The following SETD2 variants were observed in gnomAD, a reference collection of about 807,000 sequenced individuals.
SETD2 encodes the protein SET domain containing 2, histone lysine methyltransferase.
In SETD2, 31 loss-of-function variants were observed where a neutral mutation model predicts 242.1. The observed-to-expected ratio is 0.13, with a 90% CI of 0.10 to 0.17. The LOEUF is 0.17. Among genes scored for constraint, SETD2 ranks in the 10% least tolerant of loss-of-function variants. The probability of loss-of-function intolerance (pLI) is 1.00; values close to 1 mark genes in which losing one functional copy is unlikely to be tolerated. For synonymous variants in SETD2, 1,006 were observed against 1,066.5 expected, an observed-to-expected ratio of 0.94 and a Z score of 1.11; for missense variants, 2,481 against 3,046.3, an observed-to-expected ratio of 0.81 and a Z score of 4.37.
At chr3:47,044,924 A>G (rs1392230825) in intron 16 of SETD2, among the ~76,000 whole-genome samples, 1 of 152,224 alleles carries the variant, frequency 6.6e-6, no homozygotes, top group Non-Finnish European at 1.5e-5. Context: ...GCTTATTGGA[A>G]TATTTCAAGC....
At position 47,062,363 on chromosome 3, in the gene SETD2, G is replaced by GT; in HGVS notation, c.6110-18dup. The GT allele has an allele frequency of 6.7e-7, 1 of 1,481,858 alleles. No individual in the cohort carries two copies. 91.8% of individuals were successfully genotyped at this position (1,481,858 alleles called of 1,614,324 possible). ...GTTCAGTTGCTAAGGGAAAAGGGTG[G>GT]TTTGTTTGTTTTTTTTTTTTTTAAG... On this transcript the variant is annotated splice_polypyrimidine_tract_variant and intron_variant, in intron 13 of 20. Coordinates refer to ENST00000409792, the MANE Select transcript of SETD2 (RefSeq NM_014159.7).
At chr3:47,088,288 CAACAA>C in intron 9 of SETD2, 41 bp from the exon 10 acceptor site, 1 of 1,539,614 alleles carries the variant, frequency 6.5e-7, no homozygotes. Flanking sequence ...AAAACAACAA[CAACAA>C]AAAAAAAAAC....
chr3:47,054,928 C>G (rs191121671), intron 15 of SETD2, among the ~76,000 whole-genome samples: 2 of 152,138 alleles, frequency 1.3e-5, no homozygotes, highest in Admixed American at 1.3e-4. Context: ...AAAGTGGTTA[C>G]AAATCATTTT....
chr3:47,106,732 A>G, intron 5 of SETD2, among the ~76,000 whole-genome samples: 1 of 151,290 alleles, frequency 6.6e-6, no homozygotes, highest in Non-Finnish European at 1.5e-5. Flanking sequence ...GAATTGCTTG[A>G]ACCTGGGAGG....
intron 13 of SETD2, among the ~76,000 whole-genome samples, chr3:47,063,846 G>A (rs1166135588): frequency 1.3e-5 from 2 of 152,090 alleles, no homozygotes; most frequent in East Asian, 1.9e-4. Context: ...AGCTGGGCAC[G>A]GTGGCAGGTG....
rs754994330 is a variant in SETD2, at chr3:47,098,129, T to C, written c.5016-48A>G. 5.0e-6 allele frequency: 8 copies of C among 1,603,340 alleles called. No homozygotes were observed. The Admixed American group carries it at 8.5e-5, about 17-fold the overall frequency. ...AAGTCAGCTATGTGGAAGTAAACCA[T>C]ACAAAACTGTTGGCAATACACACAA... is the stretch of plus-strand genomic sequence containing the variant. On this transcript the variant is annotated intron_variant, in intron 8 of 20. Coordinates refer to ENST00000409792, the MANE Select transcript of SETD2 (RefSeq NM_014159.7).
chr3:47,127,323 A>G (rs1286476480), intron 1 of SETD2, among the ~76,000 whole-genome samples: 1 of 149,878 alleles, frequency 6.7e-6, no homozygotes, highest in African/African-American at 2.5e-5. Flanking sequence ...ACACCACTGC[A>G]CTCCAGCTGT....
chr3:47,161,102 C>T (rs1697477382), intron 1 of SETD2, among the ~76,000 whole-genome samples: 1 of 152,190 alleles, frequency 6.6e-6, no homozygotes, highest in African/African-American at 2.4e-5. Context: ...AAAAAGGGCA[C>T]TTGGTCATTT....
chr3:47,091,519 T>C (rs79809707), intron 9 of SETD2, among the ~76,000 whole-genome samples: 12 of 151,986 alleles, frequency 7.9e-5, no homozygotes, highest in Admixed American at 1.3e-4. Flanking sequence ...TCCCAGCACT[T>C]TGGGAGGCCA....
In SETD2 at chr3:47,017,298, CAG is replaced by C. The variant is rs1559634052; in HGVS notation, c.7534-46_7534-45del. 6.2e-7 allele frequency: 1 copy of C among 1,606,586 alleles called. No individual in the cohort carries two copies. On this transcript the variant is annotated intron_variant, in intron 20 of 20. Coordinates refer to ENST00000409792, the MANE Select transcript of SETD2 (RefSeq NM_014159.7). The surrounding 1 kb of genome is among the most constrained non-coding windows in gnomAD (Gnocchi z 4.8). ...GAGAGACCACAGCCACCAATCAGAG[CAG>C]AAATTATATGAGGGGGAGGACAGGG...
At chr3:47,115,380 G>C (rs1365166320) in intron 4 of SETD2, among the ~76,000 whole-genome samples, 2 of 152,002 alleles carry the variant, frequency 1.3e-5, no homozygotes, top group African/African-American at 4.8e-5. Flanking sequence ...AGAATGACTA[G>C]GGCAACAATA....
In SETD2 at chr3:47,123,388, A is replaced by G. The variant is rs1026910604; in HGVS notation, c.1248T>C (p.Asn416=). 6.4e-7 allele frequency: 1 copy of G among 1,551,682 alleles called. No individual in the cohort carries two copies. The highest frequency in any genetic ancestry group is 1.4e-5 in the African/African-American group (1 of 73,156). Residue 416 remains asparagine, a synonymous_variant, in exon 3 of 21, where the codon AAT becomes AAC. Transcript: ENST00000409792. ...HSRSERGSRT[N]LSYSRSERSH... is the part of the protein sequence containing the mutation. ...ATCGTTCTGACCTGGAATAGGATAAATTAGTTCTAGAGCCTCTCTCAGACC... is the reference window on the plus strand; with the variant it reads ...ATCGTTCTGACCTGGAATAGGATAAGTTAGTTCTAGAGCCTCTCTCAGACC...
chr3:47,133,017 T>C (rs997940191), intron 1 of SETD2, among the ~76,000 whole-genome samples: 1 of 152,216 alleles, frequency 6.6e-6, no homozygotes, highest in Non-Finnish European at 1.5e-5. Context: ...CATTGTAATG[T>C]TGTTTTTAGG....
chr3:47,056,094 T>TTTTTA (rs1421586594), intron 15 of SETD2, among the ~76,000 whole-genome samples: 6,132 of 116,284 alleles, frequency 0.053, 209 homozygotes, highest in Middle Eastern at 0.078. Context: ...AAAACATGAT[T>TTTTTA]TTTATTTATT....
In SETD2 at chr3:47,124,187, T is replaced by C. The variant is rs1293708012; in HGVS notation, c.449A>G (p.His150Arg). 1 of 1,551,882 alleles carries C rather than the reference T, an allele frequency of 6.4e-7. No homozygotes were observed. The highest frequency in any genetic ancestry group is 1.2e-5 in the South Asian group (1 of 84,058). The change falls in exon 3 of 21, where the codon CAT becomes CGT. Residue 150 changes from histidine (H) to arginine (R), a missense_variant. This residue lies in a region of SETD2 where 334 missense variants were observed against 374.5 expected (regional missense o/e 0.89). Transcript: ENST00000409792. ...GKIHFKKHLLHVTSRPLLATT... is the reference protein window; with the variant it reads ...GKIHFKKHLLRVTSRPLLATT... ...AGCCAGCAGTGGCCTGGATGTTACATGAAGCAGATGTTTCTTAAAATGAAT... is the reference window on the plus strand; with the variant it reads ...AGCCAGCAGTGGCCTGGATGTTACACGAAGCAGATGTTTCTTAAAATGAAT...
chr3:47,156,343 A>G (rs756508962), intron 1 of SETD2, among the ~76,000 whole-genome samples: 2 of 152,266 alleles, frequency 1.3e-5, no homozygotes, highest in Non-Finnish European at 2.9e-5. Context: ...TGGAAACACC[A>G]AAGTCCTGCT....
chr3:47,108,044 C>T (rs1225419089), intron 5 of SETD2, among the ~76,000 whole-genome samples: 1 of 151,840 alleles, frequency 6.6e-6, no homozygotes, highest in Non-Finnish European at 1.5e-5. Context: ...TTTGGGAGGC[C>T]GAGGTGGGTA....
chr3:47,104,761 C>T (rs1375967525), intron 6 of SETD2, among the ~76,000 whole-genome samples: 1 of 152,144 alleles, frequency 6.6e-6, no homozygotes, highest in Non-Finnish European at 1.5e-5. Context: ...CACAAAACAT[C>T]AACAAACTTC....
At chr3:47,089,325 T>G (rs775876498) in intron 9 of SETD2, among the ~76,000 whole-genome samples, 1 of 152,120 alleles carries the variant, frequency 6.6e-6, no homozygotes, top group African/African-American at 2.4e-5. Flanking sequence ...CATGTGTCTA[T>G]AGTCTCAGCT....
Sources: allele counts gnomAD v4.1 joint callset (sites outside exome capture counted in the v4.1 genomes callset), GRCh38; gene constraint gnomAD v4.1.1; regional missense constraint gnomAD v4.1.1; non-coding constraint Gnocchi (gnomAD v3.1); transcripts MANE v1.5; gene names NCBI Gene and HGNC (gene_info 2026-07-23, HGNC 2026-07-21).